Variants in CFAP299 observed in about 807,000 individuals in gnomAD.
The protein encoded by CFAP299 is cilia- and flagella-associated protein 299.
CFAP299 carries 21 observed loss-of-function variants against 27.0 expected under a neutral mutation model. The observed-to-expected ratio is 0.78, with a 90% CI of 0.55 to 1.12. The LOEUF (loss-of-function observed/expected upper bound fraction) is 1.12, where lower values mean the gene tolerates loss of function less well. Ranked by LOEUF, CFAP299 falls within the 50% of genes most tolerant of loss-of-function variation. The pLI is 0.00. For missense variants in CFAP299, 310 were observed against 276.6 expected, an observed-to-expected ratio of 1.12 and a Z score of -0.86; for synonymous variants, 104 against 98.1, an observed-to-expected ratio of 1.06 and a Z score of -0.36.
At chr4:80,504,369 C>T (rs1012886136) in intron 2 of CFAP299, among the ~76,000 whole-genome samples, 42 of 148,638 alleles carry the variant, frequency 2.8e-4, no homozygotes, top group Non-Finnish European at 4.9e-4. Context: ...GCTTTCTTGC[C>T]TGGGATTTTT....
chr4:80,798,474 G>A (rs1727999353), intron 3 of CFAP299, among the ~76,000 whole-genome samples: 1 of 152,016 alleles, frequency 6.6e-6, no homozygotes, highest in Non-Finnish European at 1.5e-5. Context: ...ATTCCATGTT[G>A]GAGGATCATT....
chr4:80,623,769 A>ACCC (rs1315729801), intron 3 of CFAP299, among the ~76,000 whole-genome samples: 1 of 151,958 alleles, frequency 6.6e-6, no homozygotes, highest in Admixed American at 6.6e-5. Flanking sequence ...CATAAGGCAG[A>ACCC]CCCCCACAGC....
At chr4:80,619,782 A>C (rs1001601918) in intron 3 of CFAP299, among the ~76,000 whole-genome samples, 1 of 152,082 alleles carries the variant, frequency 6.6e-6, no homozygotes, top group Non-Finnish European at 1.5e-5. Flanking sequence ...ATATTTTATT[A>C]ATAGACATAT....
chr4:80,463,040 G>A (rs1443662864), intron 2 of CFAP299, among the ~76,000 whole-genome samples: 1 of 152,100 alleles, frequency 6.6e-6, no homozygotes, highest in African/African-American at 2.4e-5. Flanking sequence ...ACATCGTCTT[G>A]TTTTGTAGTT....
chr4:80,756,769 A>T (rs72866725), intron 3 of CFAP299, among the ~76,000 whole-genome samples: 11,153 of 152,162 alleles, frequency 0.073, 485 homozygotes, highest in Middle Eastern at 0.092. Context: ...TTTATTATCT[A>T]TCCATTTACA....
chr4:80,459,931 A>G (rs1729355555), intron 2 of CFAP299, among the ~76,000 whole-genome samples: 1 of 152,182 alleles, frequency 6.6e-6, no homozygotes, highest in Admixed American at 6.6e-5. Context: ...TTAATAGAAA[A>G]AGCCATAAAA....
chr4:80,675,162 T>TA (rs550283017), intron 3 of CFAP299, among the ~76,000 whole-genome samples: 21 of 152,344 alleles, frequency 1.4e-4, no homozygotes, highest in Admixed American at 1.4e-3. Context: ...TTTGTGGTTT[T>TA]ATCTATCTTT....
chr4:80,429,645 T>C (rs2110077258), intron 2 of CFAP299, among the ~76,000 whole-genome samples: 1 of 152,266 alleles, frequency 6.6e-6, no homozygotes, highest in Middle Eastern at 3.4e-3. Context: ...ATTAAGAACA[T>C]GAGCATGCTA....
At chr4:80,867,026 G>A (rs1224857927) in intron 3 of CFAP299, among the ~76,000 whole-genome samples, 1 of 151,976 alleles carries the variant, frequency 6.6e-6, no homozygotes, top group Non-Finnish European at 1.5e-5. Flanking sequence ...TAATTTTTAT[G>A]TATTCATTTT....
chr4:80,641,196 T>C (rs1307984024), intron 3 of CFAP299, among the ~76,000 whole-genome samples: 1 of 152,086 alleles, frequency 6.6e-6, no homozygotes, highest in East Asian at 1.9e-4. Context: ...TATTTAGCTA[T>C]ATAAACTATT....
At chr4:80,618,189 T>G (rs1738396500) in intron 3 of CFAP299, among the ~76,000 whole-genome samples, 1 of 152,092 alleles carries the variant, frequency 6.6e-6, no homozygotes, top group African/African-American at 2.4e-5. Flanking sequence ...AGGAATAAAC[T>G]TTACTCTTTC....
At chr4:80,532,935 C>G (rs1733548594) in intron 2 of CFAP299, among the ~76,000 whole-genome samples, 1 of 151,966 alleles carries the variant, frequency 6.6e-6, no homozygotes, top group South Asian at 2.1e-4. Context: ...TTTTTCTGAC[C>G]TTTTTTTTCT....
At chr4:80,780,507 G>A (rs553359169) in intron 3 of CFAP299, among the ~76,000 whole-genome samples, 14 of 152,140 alleles carry the variant, frequency 9.2e-5, no homozygotes, top group African/African-American at 3.4e-4. Flanking sequence ...ACAGCATAAG[G>A]TATAGAAATT....
At chr4:80,686,617 G>A (rs1167655655) in intron 3 of CFAP299, among the ~76,000 whole-genome samples, 1 of 152,138 alleles carries the variant, frequency 6.6e-6, no homozygotes, top group Non-Finnish European at 1.5e-5. Flanking sequence ...CAGTATAGTG[G>A]CAGGAAATGA....
chr4:80,621,246 A>G (rs17004957), intron 3 of CFAP299, among the ~76,000 whole-genome samples: 7,733 of 152,140 alleles, frequency 0.051, 571 homozygotes, highest in African/African-American at 0.16. Flanking sequence ...CCTTTTCCCA[A>G]TGGGTAGGCT....
At chr4:80,897,274 A>G (rs76616176) in intron 4 of CFAP299, among the ~76,000 whole-genome samples, 2,436 of 152,300 alleles carry the variant, frequency 0.016, 35 homozygotes, top group Non-Finnish European at 0.026. Context: ...ATGTTATGAA[A>G]TTCAGTAATT....
chr4:80,651,612 A>C (rs115889769), intron 3 of CFAP299, among the ~76,000 whole-genome samples: 1 of 150,950 alleles, frequency 6.6e-6, no homozygotes, highest in African/African-American at 2.4e-5. Context: ...TGATCCTCCT[A>C]TCTGAGCCTC....
At chr4:80,746,923 A>T (rs1724642233) in intron 3 of CFAP299, among the ~76,000 whole-genome samples, 1 of 152,082 alleles carries the variant, frequency 6.6e-6, no homozygotes. Flanking sequence ...TCTTCAGAAT[A>T]TGACCAGCTA....
rs1737473033 is a variant in CFAP299 at position 80,603,429 on chromosome 4, T to A, written c.333+20246T>A. Among the ~76,000 whole-genome samples, 5 of 152,282 alleles carry A rather than the reference T, an allele frequency of 3.3e-5. No individual in the cohort carries two copies. The South Asian group carries it at 1.0e-3, about 32-fold the overall frequency. ...ATGTACATATATGCCTACACATATATACATGCACACACGCACAAACATATG... is the reference window on the plus strand; with the variant it reads ...ATGTACATATATGCCTACACATATAAACATGCACACACGCACAAACATATG... On this transcript the variant is annotated intron_variant, in intron 3 of 5. Transcript: ENST00000358105.
Sources: allele counts gnomAD v4.1 joint callset (sites outside exome capture counted in the v4.1 genomes callset), GRCh38; gene constraint gnomAD v4.1.1; transcripts MANE v1.5; gene names NCBI Gene and HGNC (gene_info 2026-07-23, HGNC 2026-07-21).